The following CYP27C1 variants were observed in gnomAD, a reference collection of about 807,000 sequenced individuals.
CYP27C1 encodes cytochrome P450 27C1.
CYP27C1 carries 29 observed loss-of-function variants against 40.6 expected under a neutral mutation model. The observed-to-expected ratio is 0.71, with a 90% CI of 0.53 to 0.97. The LOEUF is 0.97. Among genes scored for constraint, CYP27C1 ranks in the 50% least tolerant of loss-of-function variants. CYP27C1 has a pLI of 0.00. For synonymous variants in CYP27C1, 198 were observed against 186.8 expected, an observed-to-expected ratio of 1.06 and a Z score of -0.49; for missense variants, 390 against 485.8, an observed-to-expected ratio of 0.80 and a Z score of 1.85.
chr2:127,207,075 C>A lies in CYP27C1; in HGVS notation c.283-985G>T, dbSNP rs149468084. Among the ~76,000 whole-genome samples, 5 of 152,280 alleles carry A rather than the reference C, an allele frequency of 3.3e-5. No homozygotes were observed. In the East Asian group the frequency reaches 9.6e-4, roughly 29 times the overall value. On this transcript the variant is annotated intron_variant, in intron 1 of 8. Transcript: ENST00000664447. Reference sequence around the variant, plus strand: ...ACAATACATCAAAAAGAATACAATACTTGACCAGCTGCAGTGGCTCATGCC... The same window carrying A: ...ACAATACATCAAAAAGAATACAATAATTGACCAGCTGCAGTGGCTCATGCC...
chr2:127,204,413 AAAAG>A (rs1165903905), intron 2 of CYP27C1, among the ~76,000 whole-genome samples: 8 of 135,324 alleles, frequency 5.9e-5, no homozygotes, highest in Non-Finnish European at 9.7e-5. Context: ...AGAAAGAAAG[AAAAG>A]AAAGAGAGAA....
chr2:127,203,716 TG>T, intron 2 of CYP27C1, 145 bp from the exon 3 acceptor site: 8 of 785,970 alleles, frequency 1.0e-5, no homozygotes, highest in Non-Finnish European at 1.4e-5. Flanking sequence ...AAAGACTTTT[TG>T]CTGGGGAGAG....
At position 127,195,239 on chromosome 2, in the gene CYP27C1, C is replaced by T; in HGVS notation, c.1214+96G>A. 6.7e-7 allele frequency: 1 copy of T among 1,491,506 alleles called. No homozygotes were observed. The highest frequency in any genetic ancestry group is 9.2e-7 in the Non-Finnish European group (1 of 1,085,800). 92.4% of individuals were successfully genotyped at this position (1,491,506 alleles called of 1,614,324 possible). ...CAGTCACGAACATCCTCATCCTGAA[C>T]AGGTCAGCCGGGGGGGCATTTGGAG... is the stretch of plus-strand genomic sequence containing the variant. On this transcript the variant is annotated intron_variant, in intron 6 of 8. Transcript: ENST00000664447. The surrounding 1 kb of genome is among the most constrained non-coding windows in gnomAD (Gnocchi z 6.2).
rs1486759988 is a variant in CYP27C1 at position 127,187,227 on chromosome 2, C to G, written c.*44G>C. 1.3e-6 allele frequency: 2 copies of G among 1,497,722 alleles called. No individual in the cohort carries two copies. Among genetic ancestry groups the G allele is most frequent in the Admixed American group, 1.7e-5 (1 of 59,650 alleles). 92.8% of individuals were successfully genotyped at this position (1,497,722 alleles called of 1,614,324 possible). A position where few individuals can be genotyped will look rare whatever the true frequency, so the allele number is the denominator to read the frequency against. ...GCGAACACAAATACCCACTGTGTGT[C>G]GGCGAGCTGGTCTGCTACATCAGCC... On this transcript the variant is annotated 3_prime_UTR_variant, in exon 9 of 9. Transcript: ENST00000664447.
intron 2 of CYP27C1, among the ~76,000 whole-genome samples, chr2:127,204,245 G>A (rs111403484): frequency 9.8e-4 from 140 of 142,240 alleles, no homozygotes; most frequent in African/African-American, 3.3e-3. Flanking sequence ...CAGCCTAGGC[G>A]ACAGAGCGAA....
Position 127,200,881 on chromosome 2 carries a change from T to TAG in CYP27C1, c.883+240_883+241insCT, listed in dbSNP as rs2104685976. ...AGGAGGCTGAGGCATGATAATCACT[T>TAG]GAACCTAGGAGGCAGAGGTTGCAGT... On this transcript the variant is annotated intron_variant, in intron 4 of 8. Transcript: ENST00000664447. The surrounding 1 kb of genome is among the most constrained non-coding windows in gnomAD (Gnocchi z 4.2). Among the ~76,000 whole-genome samples the TAG allele has an allele frequency of 6.6e-6, 1 of 151,930 alleles. No individual in the cohort carries two copies. The highest frequency in any genetic ancestry group is 2.4e-5 in the African/African-American group (1 of 41,410).
At chr2:127,213,724 C>G (rs568167575) in intron 1 of CYP27C1, among the ~76,000 whole-genome samples, 1 of 152,108 alleles carries the variant, frequency 6.6e-6, no homozygotes, top group African/African-American at 2.4e-5. Flanking sequence ...TAGAAGAAAA[C>G]CTAGGCAATA....
intron 1 of CYP27C1, among the ~76,000 whole-genome samples, chr2:127,212,463 T>C (rs1168913887): frequency 5.3e-5 from 8 of 152,206 alleles, no homozygotes; most frequent in Non-Finnish European, 1.2e-4. Flanking sequence ...AAAAAACTTA[T>C]CCACCACGAT....
chr2:127,207,803 A>G (rs1289379398), intron 1 of CYP27C1, among the ~76,000 whole-genome samples: 2 of 152,266 alleles, frequency 1.3e-5, no homozygotes, highest in Non-Finnish European at 2.9e-5. Context: ...AACATTGTTT[A>G]AAGAAGCCTG....
chr2:127,198,398 G>A (rs540365370), intron 5 of CYP27C1, among the ~76,000 whole-genome samples: 59 of 152,178 alleles, frequency 3.9e-4, no homozygotes, highest in African/African-American at 1.4e-3. Context: ...TTTAATGTCT[G>A]TACCCTCTTC....
At position 127,209,416 on chromosome 2, in the gene CYP27C1, CA is replaced by C. The variant is rs1269015832; in HGVS notation, c.283-3327del. Among the ~76,000 whole-genome samples the C allele has an allele frequency of 9.9e-5, 15 of 152,076 alleles. No homozygotes were observed. The highest frequency in any genetic ancestry group is 9.8e-4 in the Admixed American group (15 of 15,266). ...ACTCACAGAGATGAGAAATAATCAA[CA>C]AAAAAATGCTGAAAACCAAAAGGCC... On this transcript the variant is annotated intron_variant, in intron 1 of 8. Coordinates refer to ENST00000664447, the MANE Select transcript of CYP27C1 (RefSeq NM_001367502.1). This position sits in a 1 kb window ranked among gnomAD's most constrained non-coding sequence, Gnocchi z 4.1.
chr2:127,205,600 G>A (rs1391268283), intron 2 of CYP27C1: 2 of 838,830 alleles, frequency 2.4e-6, no homozygotes, highest in Non-Finnish European at 2.9e-6. Flanking sequence ...GTCTGCCTCG[G>A]TTATCACTGA....
intron 7 of CYP27C1, 50 bp downstream of exon 7, chr2:127,193,739 A>G (rs375120578): frequency 2.3e-4 from 367 of 1,603,782 alleles, no homozygotes; most frequent in Non-Finnish European, 2.8e-4. Flanking sequence ...GCAGATTCCA[A>G]TTCAACCCCG....
chr2:127,201,365 T>C lies in CYP27C1; in HGVS notation c.674-34A>G. 2.5e-6 allele frequency: 4 copies of C among 1,592,108 alleles called. No homozygotes were observed. Among genetic ancestry groups the C allele is most frequent in the African/African-American group, 2.7e-5 (2 of 74,512 alleles). ...GAAAGAGAATTTGAAAACCCTCTTC[T>C]AGATTATTTACCATACCAACAGGCA... On this transcript the variant is annotated intron_variant, in intron 3 of 8. Coordinates refer to ENST00000664447, the MANE Select transcript of CYP27C1 (RefSeq NM_001367502.1). The surrounding 1 kb of genome is among the most constrained non-coding windows in gnomAD (Gnocchi z 6.0).
chr2:127,192,676 G>A (rs1043575776), intron 8 of CYP27C1, among the ~76,000 whole-genome samples: 5 of 82,436 alleles, frequency 6.1e-5, no homozygotes, highest in African/African-American at 2.3e-4. Flanking sequence ...CTGCAGACAC[G>A]GCCACTAGAG....
Position 127,201,071 on chromosome 2 carries a change from C to T in CYP27C1, c.883+51G>A. On this transcript the variant is annotated intron_variant, in intron 4 of 8. Coordinates refer to ENST00000664447, the MANE Select transcript of CYP27C1 (RefSeq NM_001367502.1). This position sits in a 1 kb window ranked among gnomAD's most constrained non-coding sequence, Gnocchi z 6.0. Reference sequence around the variant, plus strand: ...GTCTGGATGAGAGTTAGACACACAACACGGCAGGTCAACCTGCTTCTGCAA... The same window carrying T: ...GTCTGGATGAGAGTTAGACACACAATACGGCAGGTCAACCTGCTTCTGCAA... 1 of 1,557,222 alleles carries T rather than the reference C, an allele frequency of 6.4e-7. No homozygotes were observed. The highest frequency in any genetic ancestry group is 8.8e-7 in the Non-Finnish European group (1 of 1,133,348).
chr2:127,192,020 C>T (rs150003915), intron 8 of CYP27C1, among the ~76,000 whole-genome samples: 3 of 152,328 alleles, frequency 2.0e-5, no homozygotes, highest in African/African-American at 4.8e-5. Context: ...CTGAGCCTGA[C>T]CATCCAGAAT....
At chr2:127,197,087 C>T (rs1302127263) in intron 5 of CYP27C1, among the ~76,000 whole-genome samples, 1 of 152,220 alleles carries the variant, frequency 6.6e-6, no homozygotes, top group East Asian at 1.9e-4. Context: ...CTGAATGCCA[C>T]CTCATTGTGA....
At chr2:127,199,003 G>A (rs1406468131) in intron 5 of CYP27C1, among the ~76,000 whole-genome samples, 1 of 152,202 alleles carries the variant, frequency 6.6e-6, no homozygotes, top group Admixed American at 6.5e-5. Context: ...AGTAGACAAC[G>A]GCCAGTCGCA....
Sources: gnomAD v4.1 joint callset for allele counts (sites outside exome capture counted in the v4.1 genomes callset) on GRCh38, gnomAD v4.1.1 for gene constraint, Gnocchi (gnomAD v3.1) non-coding constraint, MANE v1.5 for transcripts, NCBI Gene and HGNC (gene_info 2026-07-23, HGNC 2026-07-21) for gene names.